The following CNOT4 variants were observed in gnomAD, a reference collection of about 807,000 sequenced individuals.
The protein encoded by CNOT4 is CCR4-NOT transcription complex subunit 4, also known as CCR4-associated factor 4.
Under a neutral mutation model 73.8 loss-of-function variants are expected in CNOT4, and 8 were observed. The ratio of observed to expected loss-of-function variants is 0.11; its 90% CI spans 0.06 to 0.20. The LOEUF (loss-of-function observed/expected upper bound fraction) is 0.20, where lower values mean the gene tolerates loss of function less well. Among genes scored for constraint, CNOT4 ranks in the 10% least tolerant of loss-of-function variants. The pLI is 1.00. For synonymous variants in CNOT4, 293 were observed against 321.1 expected (o/e 0.91, Z 0.94); for missense variants, 564 against 883.4 (o/e 0.64, Z 4.58).
chr7:135,445,958 C>A (rs1297837534), intron 1 of CNOT4, among the ~76,000 whole-genome samples: 1 of 152,132 alleles, frequency 6.6e-6, no homozygotes, highest in Non-Finnish European at 1.5e-5. Context: ...CTCACTGCAG[C>A]CTCAAAATGC....
chr7:135,489,383 T>C (rs1276174172), intron 1 of CNOT4, among the ~76,000 whole-genome samples: 1 of 148,910 alleles, frequency 6.7e-6, no homozygotes, highest in Non-Finnish European at 1.5e-5. Flanking sequence ...TTCAGACTAG[T>C]CACATTTCTT....
chr7:135,493,864 A>G (rs1803273873), intron 1 of CNOT4, among the ~76,000 whole-genome samples: 1 of 152,208 alleles, frequency 6.6e-6, no homozygotes, highest in African/African-American at 2.4e-5. Context: ...ATGCACTTGT[A>G]AGGTGTTATA....
At chr7:135,374,242 T>G (rs1354773721) in intron 10 of CNOT4, among the ~76,000 whole-genome samples, 1 of 152,126 alleles carries the variant, frequency 6.6e-6, no homozygotes, top group Non-Finnish European at 1.5e-5. Context: ...TCCCCCAAAA[T>G]GGAATAAAGT....
chr7:135,430,479 C>CA (rs1798747316), intron 2 of CNOT4, among the ~76,000 whole-genome samples: 1 of 151,726 alleles, frequency 6.6e-6, no homozygotes, highest in African/African-American at 2.4e-5. Context: ...TCTGCAAAGA[C>CA]AAAAAATTTT....
rs565141726 is a variant in CNOT4 at position 135,485,166 on chromosome 7, G to A, written c.-93+24723C>T. Among the ~76,000 whole-genome samples the A allele has an allele frequency of 5.9e-5, 9 of 152,174 alleles. No homozygotes were observed. In the East Asian group the frequency reaches 9.7e-4, roughly 16 times the overall value. ...TGGCTCACTGCAACCTCTGCCTCCC[G>A]GATTCAAGCGATTCTCCTGCCTCAG... On this transcript the variant is annotated intron_variant, in intron 1 of 11. Coordinates refer to ENST00000541284, the MANE Select transcript of CNOT4 (RefSeq NM_001190850.2).
At chr7:135,464,837 G>T (rs1801119895) in intron 1 of CNOT4, among the ~76,000 whole-genome samples, 1 of 151,754 alleles carries the variant, frequency 6.6e-6, no homozygotes, top group Non-Finnish European at 1.5e-5. Context: ...ATTTAATAAA[G>T]CCCAATGTTT....
chr7:135,424,052 C>A (rs746350730), intron 2 of CNOT4, among the ~76,000 whole-genome samples: 5 of 58,398 alleles, frequency 8.6e-5, no homozygotes, highest in African/African-American at 2.3e-4. Context: ...CACACACACA[C>A]ACACACACAC....
At chr7:135,501,642 C>T (rs1214931446) in intron 1 of CNOT4, among the ~76,000 whole-genome samples, 2 of 152,140 alleles carry the variant, frequency 1.3e-5, no homozygotes, top group African/African-American at 4.8e-5. Flanking sequence ...TCTCCTGCTC[C>T]CTATCAACCT....
intron 1 of CNOT4, among the ~76,000 whole-genome samples, chr7:135,466,415 A>G (rs1032221371): frequency 6.6e-6 from 1 of 151,454 alleles, no homozygotes; most frequent in Non-Finnish European, 1.5e-5. Flanking sequence ...CAGAGGTTGC[A>G]GTGAGCCAAG....
At chr7:135,418,731 A>G (rs1798010907) in intron 3 of CNOT4, among the ~76,000 whole-genome samples, 2 of 152,288 alleles carry the variant, frequency 1.3e-5, no homozygotes, top group South Asian at 4.2e-4. Context: ...CTGGGTTATC[A>G]CATATACCCA....
At chr7:135,438,036 TAATAAAATA>T (rs769600236) in intron 2 of CNOT4, 113 bp downstream of exon 2, 6 of 547,884 alleles carry the variant, frequency 1.1e-5, no homozygotes, top group Non-Finnish European at 1.9e-5. Flanking sequence ...ATAATACACA[TAATAAAATA>T]ATATAATCAG....
At chr7:135,466,743 T>C (rs1466553023) in intron 1 of CNOT4, among the ~76,000 whole-genome samples, 3 of 152,132 alleles carry the variant, frequency 2.0e-5, no homozygotes, top group South Asian at 2.1e-4. Context: ...TATACCATAT[T>C]TTTACTATAC....
At chr7:135,452,836 C>T (rs188514920) in intron 1 of CNOT4, among the ~76,000 whole-genome samples, 19 of 152,086 alleles carry the variant, frequency 1.2e-4, no homozygotes, top group African/African-American at 4.6e-4. Flanking sequence ...AGGAGGAGGC[C>T]AGGAGTTTAT....
intron 1 of CNOT4, among the ~76,000 whole-genome samples, chr7:135,460,888 A>G (rs1369060232): frequency 6.6e-6 from 1 of 152,222 alleles, no homozygotes; most frequent in Non-Finnish European, 1.5e-5. Flanking sequence ...TTTCTTCAGG[A>G]TTCAACAAAT....
In CNOT4 at chr7:135,460,394, CAT is replaced by C. The variant is rs1563063527; in HGVS notation, c.-92-21973_-92-21972del. ...CTAGCTTTTGGTTTAAAGTGAGAGA[CAT>C]GTGATTCTTTCTTTCATTTGAACAC... On this transcript the variant is annotated intron_variant, in intron 1 of 11. Transcript: ENST00000541284. 5.9e-5 allele frequency among the ~76,000 whole-genome samples: 9 copies of C among 152,282 alleles called. No homozygotes were observed. The South Asian group carries it at 1.4e-3, about 25-fold the overall frequency.
intron 10 of CNOT4, among the ~76,000 whole-genome samples, chr7:135,391,579 G>T (rs114391076): frequency 0.035 from 5,327 of 151,872 alleles, 319 homozygotes; most frequent in African/African-American, 0.12. Flanking sequence ...TATGGTAAAA[G>T]TTTTAAAAAT....
chr7:135,422,201 GT>G lies in CNOT4; in HGVS notation c.326del (p.Asn109ThrfsTer6). On this transcript the variant is annotated frameshift_variant, in exon 3 of 12. Transcript: ENST00000541284. LOFTEE classifies it high-confidence loss of function. Reference sequence around the variant, plus strand: ...GAGATAAACCTACAACAAAGACGAGGTTTTTTTGTACGACACGTACACTAGC... The same window carrying G: ...GAGATAAACCTACAACAAAGACGAGGTTTTTTGTACGACACGTACACTAGC... Reference protein sequence around the residue: ...HLASVRVVQKNLVFVVGLSQR... With the variant: ...HLASVRVVQKXLVFVVGLSQR... 1.9e-6 allele frequency: 3 copies of G among 1,612,390 alleles called. No homozygotes were observed. The highest frequency in any genetic ancestry group is 1.3e-5 in the African/African-American group (1 of 74,944).
chr7:135,440,477 T>C (rs959563140), intron 1 of CNOT4, among the ~76,000 whole-genome samples: 2 of 152,168 alleles, frequency 1.3e-5, no homozygotes, highest in East Asian at 1.9e-4. Flanking sequence ...CTTATTAGTA[T>C]AGCCTGGATT....
At chr7:135,485,418 G>T (rs1802655372) in intron 1 of CNOT4, among the ~76,000 whole-genome samples, 2 of 152,058 alleles carry the variant, frequency 1.3e-5, no homozygotes, top group Non-Finnish European at 2.9e-5. Context: ...AATTTATATG[G>T]AAAGGAAAAG....
Sources: allele counts gnomAD v4.1 joint callset (sites outside exome capture counted in the v4.1 genomes callset), GRCh38; gene constraint gnomAD v4.1.1; transcripts MANE v1.5; gene names NCBI Gene and HGNC (gene_info 2026-07-23, HGNC 2026-07-21).